The following PHKB variants were observed in gnomAD, a reference collection of about 807,000 sequenced individuals.
PHKB encodes the protein phosphorylase b kinase regulatory subunit beta.
PHKB carries 122 observed loss-of-function variants against 152.1 expected under a neutral mutation model. The ratio of observed to expected loss-of-function variants is 0.80; its 90% CI spans 0.69 to 0.93. PHKB has a LOEUF of 0.93. PHKB is among the 40% of genes least tolerant of loss of function. The pLI is 0.00. For missense variants in PHKB, 1,304 were observed against 1,328.4 expected, an observed-to-expected ratio of 0.98 and a Z score of 0.29; for synonymous variants, 436 against 464.9, an observed-to-expected ratio of 0.94 and a Z score of 0.80.
chr16:47,597,707 G>T (rs374068333), intron 13 of PHKB: 2 of 110,342 alleles, frequency 1.8e-5, no homozygotes, highest in African/African-American at 7.0e-5. Flanking sequence ...TAGTGATTCC[G>T]CTTTTAATTT....
chr16:47,561,420 C>CT (rs1167497945), intron 7 of PHKB: 1 of 152,190 alleles, frequency 6.6e-6, no homozygotes, highest in African/African-American at 2.4e-5. Context: ...AAAGTGATGT[C>CT]TTTTCCAAAT....
At chr16:47,691,989 G>T (rs1974069356) in intron 27 of PHKB, among the ~76,000 whole-genome samples, 1 of 152,244 alleles carries the variant, frequency 6.6e-6, no homozygotes, top group South Asian at 2.1e-4. Flanking sequence ...AAAATAAAAT[G>T]CAGGCAGTGG....
chr16:47,563,359 T>C (rs1473533549), intron 7 of PHKB, among the ~76,000 whole-genome samples: 1 of 151,974 alleles, frequency 6.6e-6, no homozygotes, highest in East Asian at 1.9e-4. Flanking sequence ...GTAAAATTAA[T>C]CCTTGATCCA....
intron 5 of PHKB, among the ~76,000 whole-genome samples, chr16:47,513,386 A>G (rs988637279): frequency 3.3e-5 from 5 of 152,208 alleles, no homozygotes; most frequent in Admixed American, 2.6e-4. Flanking sequence ...CCTTCTCACC[A>G]TGCAACCATG....
intron 7 of PHKB, chr16:47,548,101 T>A (rs189532817): frequency 6.4e-6 from 1 of 156,224 alleles, no homozygotes; most frequent in East Asian, 1.9e-4. Context: ...TGTTAGTAGT[T>A]TATGAATTTC....
intron 1 of PHKB, chr16:47,463,881 GT>G (rs1969619524): frequency 1.2e-6 from 2 of 1,600,174 alleles, no homozygotes; most frequent in Non-Finnish European, 8.6e-7. Context: ...TTACTAAACA[GT>G]TTTAAAATTG....
At chr16:47,667,137 A>G (rs1003634537) in intron 25 of PHKB, among the ~76,000 whole-genome samples, 1 of 152,146 alleles carries the variant, frequency 6.6e-6, no homozygotes, top group Non-Finnish European at 1.5e-5. Flanking sequence ...TACTAATAAA[A>G]GATAAAAGAT....
chr16:47,601,826 T>C (rs1972232671), intron 13 of PHKB, among the ~76,000 whole-genome samples: 1 of 152,176 alleles, frequency 6.6e-6, no homozygotes, highest in African/African-American at 2.4e-5. Flanking sequence ...TACTACATTA[T>C]CCCAGCTCAT....
intron 14 of PHKB, among the ~76,000 whole-genome samples, chr16:47,616,275 G>T (rs981714286): frequency 4.6e-5 from 7 of 151,672 alleles, no homozygotes; most frequent in African/African-American, 1.5e-4. Flanking sequence ...ATTTGTGTCT[G>T]TGTTTTCTTC....
chr16:47,469,960 T>G (rs1859310836), intron 1 of PHKB, among the ~76,000 whole-genome samples: 1 of 152,216 alleles, frequency 6.6e-6, no homozygotes, highest in African/African-American at 2.4e-5. Flanking sequence ...ATAATGATTT[T>G]TCATGCTATG....
chr16:47,633,001 C>T (rs987856300), intron 14 of PHKB, among the ~76,000 whole-genome samples: 2 of 152,094 alleles, frequency 1.3e-5, no homozygotes, highest in African/African-American at 2.4e-5. Flanking sequence ...CCTCTTCCAC[C>T]GTACACTTAA....
intron 13 of PHKB, chr16:47,598,157 G>A (rs912171475): frequency 2.6e-5 from 4 of 152,544 alleles, no homozygotes; most frequent in Non-Finnish European, 4.4e-5. Context: ...CACAGCTGAG[G>A]TTAACCATAA....
intron 14 of PHKB, chr16:47,619,014 A>T (rs1972570465): frequency 6.6e-6 from 1 of 152,210 alleles, no homozygotes; most frequent in Non-Finnish European, 1.5e-5. Flanking sequence ...AGATACAATG[A>T]TAACTACTAT....
At chr16:47,548,489 C>T (rs939099074) in intron 7 of PHKB, among the ~76,000 whole-genome samples, 2 of 152,022 alleles carry the variant, frequency 1.3e-5, no homozygotes, top group Non-Finnish European at 2.9e-5. Flanking sequence ...TGCCTGTAAT[C>T]CCAGCAACTG....
At chr16:47,576,078 A>AAAAAC (rs1018001597) in intron 7 of PHKB, among the ~76,000 whole-genome samples, 1 of 152,186 alleles carries the variant, frequency 6.6e-6, no homozygotes, top group Non-Finnish European at 1.5e-5. Context: ...CTCTGTCTCA[A>AAAAAC]AAAACAAAAC....
chr16:47,564,212 G>A (rs1271461959), intron 7 of PHKB, among the ~76,000 whole-genome samples: 3 of 151,016 alleles, frequency 2.0e-5, no homozygotes, highest in Admixed American at 6.6e-5. Flanking sequence ...TTGCTGGATT[G>A]AATGGTAGAT....
Position 47,671,775 on chromosome 16 carries a change from A to G in PHKB, c.2630+2358A>G, listed in dbSNP as rs1222520260. ...TCAGCATTATCCGAAATAGTGAAAC[A>G]TTGCGAACAACCTAGATGTTCATTA... On this transcript the variant is annotated intron_variant, in intron 26 of 30. Transcript: ENST00000323584. Among the ~76,000 whole-genome samples, 4 of 152,216 alleles carry G rather than the reference A, an allele frequency of 2.6e-5. No individual in the cohort carries two copies. The East Asian group carries it at 7.7e-4, about 29-fold the overall frequency.
chr16:47,515,374 T>C, intron 5 of PHKB, 147 bp from the exon 6 acceptor site: 2 of 632,704 alleles, frequency 3.2e-6, no homozygotes, highest in Admixed American at 5.4e-5. Context: ...ATGAACTAAA[T>C]TCACAACACC....
chr16:47,644,062 C>A (rs1311991334), intron 16 of PHKB, among the ~76,000 whole-genome samples: 1 of 151,830 alleles, frequency 6.6e-6, no homozygotes, highest in East Asian at 1.9e-4. Flanking sequence ...ACCTGCCATA[C>A]CATGGTTCAG....
Sources: gnomAD v4.1 joint callset for allele counts (sites outside exome capture counted in the v4.1 genomes callset) on GRCh38, gnomAD v4.1.1 for gene constraint, MANE v1.5 for transcripts, NCBI Gene and HGNC (gene_info 2026-07-23, HGNC 2026-07-21) for gene names.